Variants in QSOX1 observed in about 807,000 individuals in gnomAD.
QSOX1 encodes sulfhydryl oxidase 1.
In QSOX1, 40 loss-of-function variants were observed where a neutral mutation model predicts 76.1. The ratio of observed to expected loss-of-function variants is 0.53; its 90% CI spans 0.41 to 0.68. The LOEUF (loss-of-function observed/expected upper bound fraction) is 0.68. Among genes scored for constraint, QSOX1 ranks in the 30% least tolerant of loss-of-function variants. QSOX1 has a pLI of 0.00. For missense variants in QSOX1, 931 were observed against 974.3 expected, an observed-to-expected ratio of 0.96 and a Z score of 0.59; for synonymous variants, 392 against 413.1, an observed-to-expected ratio of 0.95 and a Z score of 0.62.
At chr1:180,156,723 T>G (rs564673539) in intron 1 of QSOX1, among the ~76,000 whole-genome samples, 29 of 152,332 alleles carry the variant, frequency 1.9e-4, no homozygotes, top group African/African-American at 6.5e-4. Context: ...TCACACCATT[T>G]CAACACATTT....
Position 180,186,062 on chromosome 1 carries a change from C to A in QSOX1, c.897C>A (p.Ile299=), listed in dbSNP as rs1663162482. The A allele has an allele frequency of 1.2e-6, 2 of 1,614,136 alleles. No homozygotes were observed. The highest frequency in any genetic ancestry group is 8.5e-7 in the Non-Finnish European group (1 of 1,179,958). The change falls in exon 8 of 12, where the codon ATC becomes ATA. Residue 299 remains isoleucine, a synonymous_variant. Transcript: ENST00000367602. Reference sequence around the variant, plus strand: ...CCCTCTGGGTCCTCAGCTCCAAGATCTACATGGCTGACCTGGAATCTGCAC... The same window carrying A: ...CCCTCTGGGTCCTCAGCTCCAAGATATACATGGCTGACCTGGAATCTGCAC... ...TVWKLADRSK[I]YMADLESALH... is the part of the protein sequence containing the mutation.
intron 1 of QSOX1, among the ~76,000 whole-genome samples, chr1:180,160,841 T>G (rs1662477972): frequency 6.6e-6 from 1 of 152,224 alleles, no homozygotes; most frequent in Non-Finnish European, 1.5e-5. Context: ...ATCAAGTTGT[T>G]CAGCTTCTGT....
chr1:180,197,537 C>T lies in QSOX1; in HGVS notation c.*500C>T, dbSNP rs752805071. ...TTTGCACCCTGGGAGGAAGGACCAC[C>T]CCGGGCCCTCTATGCCTGGCCAGCC... On this transcript the variant is annotated 3_prime_UTR_variant, in exon 12 of 12. Coordinates refer to ENST00000367602, the MANE Select transcript of QSOX1 (RefSeq NM_002826.5). The T allele has an allele frequency of 6.3e-6, 5 of 796,890 alleles. No individual in the cohort carries two copies. The highest frequency in any genetic ancestry group is 1.7e-5 in the African/African-American group (1 of 57,704). The allele number at this position is 796,890 out of a possible 1,614,324, so 49.4% of individuals were successfully genotyped here.
At chr1:180,188,872 G>GCACACA (rs113457149) in intron 8 of QSOX1, among the ~76,000 whole-genome samples, 1 of 151,676 alleles carries the variant, frequency 6.6e-6, no homozygotes, top group Non-Finnish European at 1.5e-5. Flanking sequence ...GTGCACACAC[G>GCACACA]CACACACACA....
intron 9 of QSOX1, 122 bp from the exon 10 acceptor site, chr1:180,190,311 C>T (rs918459855): frequency 4.3e-6 from 5 of 1,149,436 alleles, no homozygotes; most frequent in African/African-American, 1.5e-5. Context: ...GGAAATGCCA[C>T]CTTCGAGGTG....
intron 1 of QSOX1, among the ~76,000 whole-genome samples, chr1:180,157,291 GA>G (rs1482657616): frequency 6.6e-6 from 1 of 152,224 alleles, no homozygotes; most frequent in African/African-American, 2.4e-5. Context: ...GGCACTGGCA[GA>G]ATCTGCTGTC....
At chr1:180,175,274 C>T (rs1439710853) in intron 2 of QSOX1, 47 bp from the exon 3 acceptor site, 1 of 1,596,160 alleles carries the variant, frequency 6.3e-7, no homozygotes, top group Admixed American at 1.7e-5. Context: ...TGGCTGCACT[C>T]TTGGCCACTA....
chr1:180,172,762 G>A (rs939652818), intron 2 of QSOX1, among the ~76,000 whole-genome samples: 1 of 152,074 alleles, frequency 6.6e-6, no homozygotes, highest in Non-Finnish European at 1.5e-5. Flanking sequence ...CAAGTGATCC[G>A]CCCACCTCGG....
At chr1:180,183,542 G>A (rs919703125) in intron 6 of QSOX1, among the ~76,000 whole-genome samples, 3 of 152,158 alleles carry the variant, frequency 2.0e-5, no homozygotes, top group Admixed American at 6.5e-5. Flanking sequence ...ATTGAATCTC[G>A]GGGTCCTTGG....
At chr1:180,188,054 C>T (rs979184135) in intron 8 of QSOX1, among the ~76,000 whole-genome samples, 3 of 152,196 alleles carry the variant, frequency 2.0e-5, no homozygotes, top group African/African-American at 7.2e-5. Flanking sequence ...AGTATGATCT[C>T]CGTTTCATAG....
At position 180,194,258 on chromosome 1, in the gene QSOX1, ACTT is replaced by A. The variant is rs1663400446; in HGVS notation, c.1339_1341del (p.Phe447del). Reference sequence around the variant, plus strand: ...CCAGCCATCCGAGGCTACGTGCACTACTTCTTCGGCTGCCGAGACTGCGCTAGC... The same window carrying A: ...CCAGCCATCCGAGGCTACGTGCACTACTTCGGCTGCCGAGACTGCGCTAGC... On this transcript the variant is annotated inframe_deletion, in exon 11 of 12. Coordinates refer to ENST00000367602, the MANE Select transcript of QSOX1 (RefSeq NM_002826.5). The A allele has an allele frequency of 1.2e-6, 2 of 1,613,066 alleles. No homozygotes were observed. Among genetic ancestry groups the A allele is most frequent in the Admixed American group, 1.7e-5 (1 of 59,908 alleles).
At chr1:180,194,998 G>GGTC (rs1553275517) in intron 11 of QSOX1, among the ~76,000 whole-genome samples, 1 of 147,016 alleles carries the variant, frequency 6.8e-6, no homozygotes, top group Non-Finnish European at 1.5e-5. Context: ...CAGCCTCCCG[G>GGTC]GGGGGGGAGA....
At chr1:180,155,335 C>T (rs1192772763) in intron 1 of QSOX1, among the ~76,000 whole-genome samples, 163 bp downstream of exon 1, 1 of 152,200 alleles carries the variant, frequency 6.6e-6, no homozygotes, top group East Asian at 1.9e-4. Context: ...TGTTTCTCAG[C>T]TCCATTTTTG....
intron 1 of QSOX1, among the ~76,000 whole-genome samples, chr1:180,156,409 T>C (rs2149227662): frequency 6.6e-6 from 1 of 152,316 alleles, no homozygotes; most frequent in South Asian, 2.1e-4. Context: ...AAATAGGCCT[T>C]TTTCTAGAGA....
In QSOX1 at chr1:180,194,380, G is replaced by A. The variant is rs746553088; in HGVS notation, c.1456G>A (p.Ala486Thr). 2 of 1,552,802 alleles carry A rather than the reference G, an allele frequency of 1.3e-6. No homozygotes were observed. Among genetic ancestry groups the A allele is most frequent in the Non-Finnish European group, 1.8e-6 (2 of 1,141,984 alleles). The change falls in exon 11 of 12, where the codon GCT (alanine) becomes ACT (threonine). Residue 486 changes from alanine (A) to threonine (T), a missense_variant. Coordinates refer to ENST00000367602, the MANE Select transcript of QSOX1 (RefSeq NM_002826.5). ...CTGGTCTAGCCACAACAGGGTCAATGCTCGCCTTGCAGGTAAGGAAGGACC... is the reference window on the plus strand; with the variant it reads ...CTGGTCTAGCCACAACAGGGTCAATACTCGCCTTGCAGGTAAGGAAGGACC... Reference protein sequence around the residue: ...WLWSSHNRVNARLAGAPSEDP... With the variant: ...WLWSSHNRVNTRLAGAPSEDP...
chr1:180,178,105 C>T (rs1662942170), intron 4 of QSOX1, among the ~76,000 whole-genome samples: 1 of 152,184 alleles, frequency 6.6e-6, no homozygotes, highest in African/African-American at 2.4e-5. Context: ...TACCCCCCAG[C>T]TCTCAGGGGA....
intron 8 of QSOX1, 41 bp downstream of exon 8, chr1:180,186,223 G>A (rs181979697): frequency 3.2e-5 from 50 of 1,579,062 alleles, no homozygotes; most frequent in Middle Eastern, 2.1e-4. Flanking sequence ...GCAATTCTAC[G>A]GATGGTCAGT....
At position 180,184,013 on chromosome 1, in the gene QSOX1, A is replaced by G. The variant is rs1663105782; in HGVS notation, c.850A>G (p.Asn284Asp). Residue 284 changes from asparagine to aspartate, a missense_variant, in exon 7 of 12, where the codon AAC becomes GAC. Coordinates refer to ENST00000367602, the MANE Select transcript of QSOX1 (RefSeq NM_002826.5). ...GACCACAGTTGCACCAACCACTGCT[A>G]ACAAGATAGCTCCCACTGTTTGGAA... ...AQTTVAPTTA[N>D]KIAPTVWKLA... 4 of 1,614,092 alleles carry G rather than the reference A, an allele frequency of 2.5e-6. No individual in the cohort carries two copies. Among genetic ancestry groups the G allele is most frequent in the African/African-American group, 2.7e-5 (2 of 74,928 alleles).
rs1207956213 is a variant in QSOX1 at position 180,184,015 on chromosome 1, C to T, written c.852C>T (p.Asn284=). The change falls in exon 7 of 12, where the codon AAC becomes AAT. Residue 284 remains asparagine (N), a synonymous_variant. Coordinates refer to ENST00000367602, the MANE Select transcript of QSOX1 (RefSeq NM_002826.5). ...CCACAGTTGCACCAACCACTGCTAACAAGATAGCTCCCACTGTTTGGAAAT... is the reference window on the plus strand; with the variant it reads ...CCACAGTTGCACCAACCACTGCTAATAAGATAGCTCCCACTGTTTGGAAAT... The part of the protein sequence containing the change: ...AQTTVAPTTA[N]KIAPTVWKLA... 7.4e-6 allele frequency: 12 copies of T among 1,614,222 alleles called. No homozygotes were observed. Among genetic ancestry groups the T allele is most frequent in the Non-Finnish European group, 9.3e-6 (11 of 1,180,042 alleles).
Sources: allele counts gnomAD v4.1 joint callset (sites outside exome capture counted in the v4.1 genomes callset), GRCh38; gene constraint gnomAD v4.1.1; transcripts MANE v1.5; gene names NCBI Gene and HGNC (gene_info 2026-07-23, HGNC 2026-07-21).